KIF26B: variants seen among roughly 807,000 people sequenced by gnomAD.
The protein encoded by KIF26B is kinesin-like protein KIF26B.
KIF26B carries 63 observed loss-of-function variants against 151.2 expected under a neutral mutation model. The observed-to-expected ratio is 0.42, with a 90% CI of 0.34 to 0.51. The LOEUF is 0.51. Ranked by LOEUF, KIF26B falls within the 20% of genes least tolerant of loss-of-function variation. The pLI is 0.07. For synonymous variants in KIF26B, 1,357 were observed against 1,262.1 expected, an observed-to-expected ratio of 1.08 and a Z score of -1.59; for missense variants, 2,813 against 2,913.6, an observed-to-expected ratio of 0.97 and a Z score of 0.79.
At chr1:245,184,050 G>GTTGTTTTTTTT (rs1553332271) in intron 2 of KIF26B, among the ~76,000 whole-genome samples, 524 of 19,786 alleles carry the variant, frequency 0.026, 74 homozygotes, top group African/African-American at 0.076. Flanking sequence ...GGGAGTTGTT[G>GTTGTTTTTTTT]TTTTTTTTTT....
chr1:245,443,460 G>A (rs1462728959), intron 4 of KIF26B, among the ~76,000 whole-genome samples: 3 of 90,296 alleles, frequency 3.3e-5, no homozygotes, highest in East Asian at 5.0e-4. Flanking sequence ...TGTTCACCTA[G>A]AGCGGTCATC....
At chr1:245,436,254 C>G (rs1037918908) in intron 4 of KIF26B, among the ~76,000 whole-genome samples, 1 of 151,966 alleles carries the variant, frequency 6.6e-6, no homozygotes, top group African/African-American at 2.4e-5. Flanking sequence ...ATTCTAAACT[C>G]TCAGTTGGGA....
chr1:245,452,804 TAGG>T (rs1659428664), intron 4 of KIF26B, among the ~76,000 whole-genome samples: 1 of 152,158 alleles, frequency 6.6e-6, no homozygotes. Flanking sequence ...TGTTGAGTTT[TAGG>T]AGTTCTTTAT....
At chr1:245,542,095 G>A (rs1661638768) in intron 5 of KIF26B, among the ~76,000 whole-genome samples, 2 of 152,206 alleles carry the variant, frequency 1.3e-5, no homozygotes. Context: ...GCTCACACCT[G>A]TAATCCCAGA....
At chr1:245,408,349 C>CTTTTT (rs58724712) in intron 3 of KIF26B, among the ~76,000 whole-genome samples, 6 of 113,328 alleles carry the variant, frequency 5.3e-5, no homozygotes, top group Admixed American at 1.0e-4. Context: ...TTAAATGATT[C>CTTTTT]TTTTTTTTTT....
intron 4 of KIF26B, among the ~76,000 whole-genome samples, chr1:245,531,672 A>G (rs1661364540): frequency 6.6e-6 from 1 of 152,254 alleles, no homozygotes; most frequent in Admixed American, 6.5e-5. Flanking sequence ...CTGCGCCTAT[A>G]GAAGAAAGTA....
In KIF26B at chr1:245,227,617, C is replaced by G. The variant is rs1669901774; in HGVS notation, c.465+70934C>G. Among the ~76,000 whole-genome samples, 1 of 152,324 alleles carries G rather than the reference C, an allele frequency of 6.6e-6. No homozygotes were observed. Among genetic ancestry groups the G allele is most frequent in the Admixed American group, 6.5e-5 (1 of 15,296 alleles). On this transcript the variant is annotated intron_variant, in intron 2 of 14. Coordinates refer to ENST00000407071, the MANE Select transcript of KIF26B (RefSeq NM_018012.4). This position sits in a 1 kb window ranked among gnomAD's most constrained non-coding sequence, Gnocchi z 4.1. ...ATAGGAGAAGGGAAGAACACAGTTA[C>G]AGTATTAGACTCACTGTTTCCTGAG...
In KIF26B at chr1:245,516,453, T is replaced by C. The variant is rs1174885148; in HGVS notation, c.1167-24314T>C. On this transcript the variant is annotated intron_variant, in intron 4 of 14. Transcript: ENST00000407071. This position sits in a 1 kb window ranked among gnomAD's most constrained non-coding sequence, Gnocchi z 4.2. ...AGCTCTGTAGGGCTGTATGTATTGA[T>C]ATCACATGCGTCTATATGAACGCCC... is the stretch of plus-strand genomic sequence containing the variant. Among the ~76,000 whole-genome samples, 2 of 152,192 alleles carry C rather than the reference T, an allele frequency of 1.3e-5. No homozygotes were observed. The highest frequency in any genetic ancestry group is 2.9e-5 in the Non-Finnish European group (2 of 68,038).
chr1:245,535,924 A>G (rs977936583), intron 4 of KIF26B, among the ~76,000 whole-genome samples: 1 of 152,192 alleles, frequency 6.6e-6, no homozygotes, highest in Admixed American at 6.5e-5. Flanking sequence ...TTTTTGCTTC[A>G]TCTTCCTATG....
At chr1:245,484,424 G>C (rs7523252) in intron 4 of KIF26B, among the ~76,000 whole-genome samples, 1 of 151,578 alleles carries the variant, frequency 6.6e-6, no homozygotes, top group East Asian at 1.9e-4. Context: ...CATCTAGGTC[G>C]CCTGACAGAG....
chr1:245,284,036 C>T (rs1044696298), intron 2 of KIF26B, among the ~76,000 whole-genome samples: 3 of 152,192 alleles, frequency 2.0e-5, no homozygotes, highest in African/African-American at 4.8e-5. Context: ...TGCGGCTTCC[C>T]TCATCCCTCC....
At chr1:245,368,919 G>T (rs1486871819) in intron 3 of KIF26B, among the ~76,000 whole-genome samples, 1 of 152,166 alleles carries the variant, frequency 6.6e-6, no homozygotes, top group Non-Finnish European at 1.5e-5. Flanking sequence ...TGGATTGCTT[G>T]AGTACAGGAG....
chr1:245,592,622 G>A (rs2043300482), intron 5 of KIF26B, among the ~76,000 whole-genome samples: 1 of 152,188 alleles, frequency 6.6e-6, no homozygotes, highest in African/African-American at 2.4e-5. Context: ...CTGCCCCAAA[G>A]TAGGCCTGGA....
intron 10 of KIF26B, among the ~76,000 whole-genome samples, chr1:245,666,382 A>C (rs1262374223): frequency 1.3e-5 from 2 of 152,176 alleles, no homozygotes; most frequent in Non-Finnish European, 2.9e-5. Context: ...TGAATAAAGA[A>C]ATGAAAAATC....
intron 12 of KIF26B, among the ~76,000 whole-genome samples, chr1:245,695,112 G>A (rs924772894): frequency 1.3e-5 from 2 of 152,178 alleles, no homozygotes; most frequent in African/African-American, 2.4e-5. Context: ...GCAGAGACCG[G>A]GCTTGGCAGA....
rs567712579 is a variant in KIF26B at position 245,244,826 on chromosome 1, C to T, written c.465+88143C>T. ...TTGGACTTGGATACTTCCTAGTCCT[C>T]CTGTTATTCCTATGAACGATTCCTT... is the stretch of plus-strand genomic sequence containing the variant. On this transcript the variant is annotated intron_variant, in intron 2 of 14. Coordinates refer to ENST00000407071, the MANE Select transcript of KIF26B (RefSeq NM_018012.4). This position sits in a 1 kb window ranked among gnomAD's most constrained non-coding sequence, Gnocchi z 4.2. Among the ~76,000 whole-genome samples the T allele has an allele frequency of 6.6e-6, 1 of 150,928 alleles. No individual in the cohort carries two copies. The highest frequency in any genetic ancestry group is 2.4e-5 in the African/African-American group (1 of 41,224).
intron 2 of KIF26B, among the ~76,000 whole-genome samples, chr1:245,171,387 C>CA (rs1005792934): frequency 3.5e-4 from 53 of 152,238 alleles, no homozygotes; most frequent in East Asian, 9.7e-4. Context: ...ACTAAAAATA[C>CA]AAAAAAGTTA....
chr1:245,687,240 A>G lies in KIF26B; in HGVS notation c.4257A>G (p.Thr1419=). 2.5e-6 allele frequency: 4 copies of G among 1,612,766 alleles called. No individual in the cohort carries two copies. The highest frequency in any genetic ancestry group is 3.4e-6 in the Non-Finnish European group (4 of 1,179,640). ...CCGCCACCCCCAAAGCAGGCCCCAC[A>G]TTAGCCCAGTCCCGGGAGAGTAAGG... ...APTATPKAGP[T]LAQSRESKEN... Residue 1419 remains threonine, a synonymous_variant, in exon 12 of 15, where the codon ACA becomes ACG. Transcript: ENST00000407071. The surrounding 1 kb of genome is among the most constrained non-coding windows in gnomAD (Gnocchi z 4.9).
chr1:245,605,007 C>G (rs1392430620), intron 6 of KIF26B, among the ~76,000 whole-genome samples: 1 of 152,152 alleles, frequency 6.6e-6, no homozygotes. Flanking sequence ...CCCCCGTTAA[C>G]CTCTCTGTAT....
Sources: allele counts gnomAD v4.1 joint callset (sites outside exome capture counted in the v4.1 genomes callset), GRCh38; gene constraint gnomAD v4.1.1; non-coding constraint Gnocchi (gnomAD v3.1); transcripts MANE v1.5; gene names NCBI Gene and HGNC (gene_info 2026-07-23, HGNC 2026-07-21).